SOX5: variants seen among roughly 807,000 people sequenced by gnomAD.
SOX5 encodes the protein SRY-box transcription factor 5.
SOX5 carries 9 observed loss-of-function variants against 92.0 expected under a neutral mutation model. The ratio of observed to expected loss-of-function variants is 0.10; its 90% confidence interval spans 0.06 to 0.17. The LOEUF is 0.17. Among genes scored for constraint, SOX5 ranks in the 10% least tolerant of loss-of-function variants. The pLI is 1.00. For synonymous variants in SOX5, 344 were observed against 336.3 expected (o/e 1.02, Z -0.25); for missense variants, 642 against 944.5 (o/e 0.68, Z 4.20).
intron 2 of SOX5, among the ~76,000 whole-genome samples, chr12:24,362,076 G>A (rs1955637297): frequency 6.6e-6 from 1 of 152,200 alleles, no homozygotes; most frequent in Admixed American, 6.5e-5. Flanking sequence ...GGGTTTGATG[G>A]TGGGTGGGTA....
intron 4 of SOX5, among the ~76,000 whole-genome samples, chr12:24,194,539 A>G (rs1365429077): frequency 6.6e-6 from 1 of 152,186 alleles, no homozygotes; most frequent in East Asian, 1.9e-4. Context: ...CAACATATCT[A>G]TATATTTAAG....
intron 4 of SOX5, among the ~76,000 whole-genome samples, chr12:24,033,808 T>C (rs1473981081): frequency 6.6e-6 from 1 of 151,990 alleles, no homozygotes; most frequent in South Asian, 2.1e-4. Context: ...AATAGCACAG[T>C]TGTATAAAAG....
intron 2 of SOX5, among the ~76,000 whole-genome samples, chr12:23,885,919 A>G (rs2097059162): frequency 6.6e-6 from 1 of 152,186 alleles, no homozygotes; most frequent in South Asian, 2.1e-4. Flanking sequence ...GTAGCATACT[A>G]AAGTTCTATC....
intron 1 of SOX5, among the ~76,000 whole-genome samples, chr12:24,385,064 T>C (rs751050883): frequency 6.6e-6 from 1 of 152,150 alleles, no homozygotes; most frequent in Non-Finnish European, 1.5e-5. Flanking sequence ...AATTTTATTA[T>C]GGTATATTGT....
intron 4 of SOX5, among the ~76,000 whole-genome samples, chr12:24,134,704 G>A (rs1298049718): frequency 6.6e-6 from 1 of 152,146 alleles, no homozygotes; most frequent in Non-Finnish European, 1.5e-5. Context: ...CCAGAGATGG[G>A]AGAATTGAAC....
At chr12:23,664,818 T>C (rs1380143831) in intron 7 of SOX5, among the ~76,000 whole-genome samples, 2 of 152,134 alleles carry the variant, frequency 1.3e-5, no homozygotes, top group African/African-American at 4.8e-5. Flanking sequence ...ACAATGAGTA[T>C]GACAGAATCA....
At chr12:23,737,488 C>G (rs193082761) in intron 5 of SOX5, among the ~76,000 whole-genome samples, 58 of 152,120 alleles carry the variant, frequency 3.8e-4, no homozygotes, top group African/African-American at 1.3e-3. Flanking sequence ...TGCAGTGAGC[C>G]AAGATCACGC....
intron 1 of SOX5, among the ~76,000 whole-genome samples, chr12:24,499,783 T>G (rs1948017101): frequency 6.8e-6 from 1 of 147,526 alleles, no homozygotes; most frequent in African/African-American, 2.5e-5. Context: ...AATAGAAAAC[T>G]CCCAAAAGAG....
chr12:24,161,263 C>T (rs1238736229), intron 4 of SOX5, among the ~76,000 whole-genome samples: 1 of 152,050 alleles, frequency 6.6e-6, no homozygotes, highest in African/African-American at 2.4e-5. Flanking sequence ...CTTCAGCTGT[C>T]GTGACAATAA....
rs1462854411 is a variant in SOX5 at position 23,536,440 on chromosome 12, A to G, written c.1988+13T>C. On this transcript the variant is annotated intron_variant, in intron 14 of 14. Coordinates refer to ENST00000451604, the MANE Select transcript of SOX5 (RefSeq NM_006940.6). ...AGTTTGCCCCATGAGAAAAATGACT[A>G]AAAGGTACATACCCAACATTGAAGT... 4.4e-6 allele frequency: 7 copies of G among 1,605,772 alleles called. No individual in the cohort carries two copies. Among genetic ancestry groups the G allele is most frequent in the Non-Finnish European group, 6.0e-6 (7 of 1,172,878 alleles).
intron 9 of SOX5, among the ~76,000 whole-genome samples, chr12:23,589,901 A>G (rs1366612776): frequency 1.3e-5 from 2 of 152,030 alleles, no homozygotes; most frequent in Admixed American, 6.6e-5. Flanking sequence ...TGATTAAGCT[A>G]TAATCCCTAC....
intron 4 of SOX5, among the ~76,000 whole-genome samples, chr12:24,173,697 A>G (rs958938448): frequency 6.6e-6 from 1 of 152,214 alleles, no homozygotes; most frequent in Admixed American, 6.5e-5. Context: ...TGATATTTTA[A>G]TATTTTAATA....
intron 3 of SOX5, among the ~76,000 whole-genome samples, chr12:23,814,558 A>T (rs1049314558): frequency 7.9e-5 from 12 of 152,210 alleles, no homozygotes; most frequent in Admixed American, 6.5e-5. Flanking sequence ...ATTTTTCTGA[A>T]AATTTCCCTG....
At chr12:23,789,018 A>G (rs1259068344) in intron 3 of SOX5, among the ~76,000 whole-genome samples, 1 of 151,968 alleles carries the variant, frequency 6.6e-6, no homozygotes, top group African/African-American at 2.4e-5. Context: ...TTCTTCAGAG[A>G]GCAGAGCTGC....
intron 3 of SOX5, among the ~76,000 whole-genome samples, chr12:24,260,527 G>A (rs1941935348): frequency 6.6e-6 from 1 of 152,156 alleles, no homozygotes. Context: ...TGTTTAATGA[G>A]TATAGTACAG....
rs562436871 is a variant in SOX5 at position 24,418,614 on chromosome 12, T to C, written c.-250-49975A>G. Among the ~76,000 whole-genome samples, 4 of 152,276 alleles carry C rather than the reference T, an allele frequency of 2.6e-5. No homozygotes were observed. The East Asian group carries it at 5.8e-4, about 22-fold the overall frequency. On this transcript the variant is annotated intron_variant, in intron 1 of 4. Transcript: ENST00000446891. ...CTGATATACAGAGGAGAACAGAAAT[T>C]AGGAATTGCAGAGATAAGGAGCTGA...
rs189592737 is a variant in SOX5 at position 23,752,307 on chromosome 12, G to C, written c.568+3331C>G. Among the ~76,000 whole-genome samples the C allele has an allele frequency of 5.1e-3, 779 of 151,970 alleles. 7 individuals carry two copies. The highest frequency in any genetic ancestry group is 0.019 in the South Asian group (91 of 4,824). ...TGAAATAAGGCAGGTAGAGAAACTG[G>C]TCTAGAATTTTTTAAAGTGACTTGG... On this transcript the variant is annotated intron_variant, in intron 4 of 14. Coordinates refer to ENST00000451604, the MANE Select transcript of SOX5 (RefSeq NM_006940.6).
At chr12:24,285,817 T>G (rs1433627606) in intron 2 of SOX5, among the ~76,000 whole-genome samples, 1 of 152,202 alleles carries the variant, frequency 6.6e-6, no homozygotes, top group Non-Finnish European at 1.5e-5. Context: ...TATGGGATGA[T>G]GAATCAAACA....
At chr12:23,721,350 G>T (rs575505617) in intron 6 of SOX5, among the ~76,000 whole-genome samples, 18 of 152,212 alleles carry the variant, frequency 1.2e-4, no homozygotes, top group South Asian at 8.3e-4. Flanking sequence ...CTCCCAAAGC[G>T]CTGGGATTAC....
Sources: gnomAD v4.1 joint callset for allele counts (sites outside exome capture counted in the v4.1 genomes callset) on GRCh38, gnomAD v4.1.1 for gene constraint, MANE v1.5 for transcripts, NCBI Gene and HGNC (gene_info 2026-07-23, HGNC 2026-07-21) for gene names.